Variants in AASDH observed in about 807,000 individuals in gnomAD.
The protein encoded by AASDH is beta-alanine-activating enzyme.
In AASDH, 81 loss-of-function variants were observed where a neutral mutation model predicts 102.3. That is an observed-to-expected ratio of 0.79 (90% CI 0.66 to 0.95). The LOEUF (loss-of-function observed/expected upper bound fraction) is 0.95. Among genes scored for constraint, AASDH ranks in the 40% least tolerant of loss-of-function variants. The pLI is 0.00. For missense variants in AASDH, 1,203 were observed against 1,266.2 expected (o/e 0.95, Z 0.76); for synonymous variants, 398 against 454.0 (o/e 0.88, Z 1.57).
intron 2 of AASDH, among the ~76,000 whole-genome samples, chr4:56,383,776 A>G (rs1413939641): frequency 6.6e-6 from 1 of 152,204 alleles, no homozygotes; most frequent in Non-Finnish European, 1.5e-5. Context: ...ACAAAGTGTT[A>G]TAAATTGTTA....
Position 56,356,198 on chromosome 4 carries a change from G to T in AASDH, c.862-775C>A, listed in dbSNP as rs1749616395. 8.1e-6 allele frequency: 6 copies of T among 742,712 alleles called. No individual in the cohort carries two copies. In the East Asian group the frequency reaches 1.5e-4, roughly 19 times the overall value. The allele number at this position is 742,712 out of a possible 1,614,324, so 46.0% of individuals were successfully genotyped here. On this transcript the variant is annotated intron_variant, in intron 5 of 14. Coordinates refer to ENST00000205214, the MANE Select transcript of AASDH (RefSeq NM_181806.4). ...GGCCCCTGCTGTTGTGAAGAAGCAG[G>T]AGGACAAGAAAGTGGTGAATCCCCT...
chr4:56,364,211 G>A (rs1056158016), intron 5 of AASDH, among the ~76,000 whole-genome samples: 21 of 152,152 alleles, frequency 1.4e-4, no homozygotes, highest in African/African-American at 4.6e-4. Flanking sequence ...AGAAATATGC[G>A]ACTATGTGAC....
intron 5 of AASDH, among the ~76,000 whole-genome samples, 170 bp from the exon 6 acceptor site, chr4:56,355,593 G>GTTTTTTTTTTTTTTTTTTTTTTTT (rs149149581): frequency 2.2e-5 from 2 of 91,882 alleles, no homozygotes; most frequent in Non-Finnish European, 4.1e-5. Context: ...TTATCTTCTT[G>GTTTTTTTTTTTTTTTTTTTTTTTT]TTTTTTTTTT....
At chr4:56,349,210 T>G in intron 11 of AASDH, 53 bp downstream of exon 11, 1 of 1,564,522 alleles carries the variant, frequency 6.4e-7, no homozygotes, top group Non-Finnish European at 8.7e-7. Flanking sequence ...CCTATGAAGA[T>G]TATTGTATGG....
At chr4:56,339,332 A>C (rs976971654) in intron 14 of AASDH, among the ~76,000 whole-genome samples, 4 of 151,550 alleles carry the variant, frequency 2.6e-5, no homozygotes, top group African/African-American at 9.7e-5. Flanking sequence ...TTTTTAGTAG[A>C]GATGAGGTTT....
intron 5 of AASDH, among the ~76,000 whole-genome samples, chr4:56,366,116 C>G (rs1017833260): frequency 6.6e-6 from 1 of 152,208 alleles, no homozygotes; most frequent in African/African-American, 2.4e-5. Context: ...ACTAGAAAAT[C>G]TGGAAGAAAT....
chr4:56,382,415 G>T (rs759916172), intron 3 of AASDH, 62 bp downstream of exon 3: 101 of 1,427,230 alleles, frequency 7.1e-5, no homozygotes, highest in Non-Finnish European at 9.0e-5. Context: ...GGAGAAGGAA[G>T]GAATGTTTCA....
In AASDH at chr4:56,355,419, G is replaced by A; in HGVS notation, c.866C>T (p.Thr289Ile). The change falls in exon 6 of 15, where the codon ACA becomes ATA. Residue 289 changes from threonine (T) to isoleucine (I), a missense_variant. Transcript: ENST00000205214. Reference protein sequence around the residue: ...SHHRVTVLQATPTLLRRFGSQ... With the variant: ...SHHRVTVLQAIPTLLRRFGSQ... ...TCCAAATCTTCTAAGCAATGTTGGT[G>A]TTGCCTGTAGATACATTAAAAATAA... 6.2e-7 allele frequency: 1 copy of A among 1,612,868 alleles called. No homozygotes were observed. The highest frequency in any genetic ancestry group is 8.5e-7 in the Non-Finnish European group (1 of 1,179,156).
rs375550005 is a variant in AASDH at position 56,384,351 on chromosome 4, T to C, written c.-42-10A>G. 5.1e-4 allele frequency: 787 copies of C among 1,540,404 alleles called. 9 individuals are homozygous for C. In the South Asian group the frequency reaches 5.3e-3, roughly 10 times the overall value. ...TTTGTAGCACAGAACCCTGTGTATA[T>C]ACAGAAGTGTTAGGGGGAGAGGGAG... On this transcript the variant is annotated splice_polypyrimidine_tract_variant and intron_variant, in intron 1 of 14. Coordinates refer to ENST00000205214, the MANE Select transcript of AASDH (RefSeq NM_181806.4).
In AASDH at chr4:56,384,125, G is replaced by A. The variant is rs187602678; in HGVS notation, c.175C>T (p.Arg59Trp). 3.3e-4 allele frequency: 525 copies of A among 1,614,074 alleles called. 3 individuals are homozygous for A. The East Asian group carries it at 5.4e-3, about 17-fold the overall frequency. ...GGTTGGCAGTAGAGACCAATTTCCC[G>A]AATTCCTTGAAAGTCACAGTGTAAC... is the stretch of plus-strand genomic sequence containing the variant. ...LLLHCDFQGI[R>W]EIGLYCQPGI... is the part of the protein sequence containing the mutation. Residue 59 changes from arginine (R) to tryptophan (W), a missense_variant, in exon 2 of 15, where the codon CGG becomes TGG. Arg to Trp is a moderately radical substitution (Grantham distance 101). Coordinates refer to ENST00000205214, the MANE Select transcript of AASDH (RefSeq NM_181806.4).
chr4:56,346,616 A>C (rs1748360298), intron 11 of AASDH, among the ~76,000 whole-genome samples: 1 of 152,224 alleles, frequency 6.6e-6, no homozygotes, highest in African/African-American at 2.4e-5. Flanking sequence ...AACATGCAAA[A>C]CATATATCTG....
intron 5 of AASDH, among the ~76,000 whole-genome samples, chr4:56,365,935 G>A (rs934457175): frequency 2.0e-5 from 3 of 152,082 alleles, no homozygotes; most frequent in African/African-American, 7.2e-5. Context: ...CCAGGAGCTG[G>A]TTTTTTGAAA....
intron 2 of AASDH, among the ~76,000 whole-genome samples, 200 bp from the exon 3 acceptor site, chr4:56,382,797 C>T (rs1319898482): frequency 2.0e-5 from 3 of 152,162 alleles, no homozygotes; most frequent in Non-Finnish European, 4.4e-5. Context: ...TAGCCGGGCA[C>T]GGTGGCTCAC....
chr4:56,368,354 C>A (rs1224589455), intron 5 of AASDH, among the ~76,000 whole-genome samples: 2 of 152,144 alleles, frequency 1.3e-5, no homozygotes, highest in Admixed American at 6.6e-5. Context: ...TTTGACCCAG[C>A]CATCCCATTA....
At chr4:56,354,617 A>G in intron 7 of AASDH, 88 bp downstream of exon 7, 1 of 976,908 alleles carries the variant, frequency 1.0e-6, no homozygotes. Context: ...CATGAGATAG[A>G]CAAAAGAAAA....
rs769244315 is a variant in AASDH at position 56,338,560 on chromosome 4, C to G, written c.3139G>C (p.Val1047Leu). The G allele has an allele frequency of 6.2e-7, 1 of 1,614,090 alleles. No individual in the cohort carries two copies. Among genetic ancestry groups the G allele is most frequent in the Non-Finnish European group, 8.5e-7 (1 of 1,180,028 alleles). Residue 1047 changes from valine to leucine, a missense_variant, in exon 15 of 15, where the codon GTG (valine) becomes CTG (leucine). Val to Leu is a conservative substitution (Grantham distance 32). Coordinates refer to ENST00000205214, the MANE Select transcript of AASDH (RefSeq NM_181806.4). ...LLAAASTDGK[V>L]WILESQSGQL... ...CCACTCTGAGATTCCAAGATCCACA[C>G]TTTCCCATCAGTAGATGCTGCTGCC...
chr4:56,371,711 G>T, intron 4 of AASDH, 68 bp from the exon 5 acceptor site: 1 of 1,386,294 alleles, frequency 7.2e-7, no homozygotes. Context: ...CTAAAAGAGT[G>T]TTCATGTGTT....
At chr4:56,385,889 G>A (rs944599275) in intron 1 of AASDH, among the ~76,000 whole-genome samples, 1 of 151,770 alleles carries the variant, frequency 6.6e-6, no homozygotes, top group Non-Finnish European at 1.5e-5. Flanking sequence ...GATTACAGGC[G>A]GAGCCACCGC....
At chr4:56,354,684 A>G in intron 7 of AASDH, 21 bp downstream of exon 7, 2 of 1,554,932 alleles carry the variant, frequency 1.3e-6, no homozygotes, top group South Asian at 2.4e-5. Flanking sequence ...AAAAATTCCC[A>G]ATCAACAAAT....
Sources: gnomAD v4.1 joint callset for allele counts (sites outside exome capture counted in the v4.1 genomes callset) on GRCh38, gnomAD v4.1.1 for gene constraint, MANE v1.5 for transcripts, NCBI Gene and HGNC (gene_info 2026-07-23, HGNC 2026-07-21) for gene names.